PPP2R1A: variants seen among roughly 807,000 people sequenced by gnomAD.
PPP2R1A encodes protein phosphatase 2 scaffold subunit Aalpha.
A neutral mutation model predicts 67.1 loss-of-function variants in PPP2R1A; 15 were observed. The observed-to-expected ratio is 0.22, with a 90% CI of 0.15 to 0.34. PPP2R1A has a LOEUF of 0.34. PPP2R1A is among the 10% of genes least tolerant of loss of function. The probability of loss-of-function intolerance (pLI) is 1.00; values close to 1 mark genes in which losing one functional copy is unlikely to be tolerated. For synonymous variants in PPP2R1A, 337 were observed against 325.0 expected (o/e 1.04, Z -0.40); for missense variants, 369 against 775.0 (o/e 0.48, Z 6.22).
chr19:52,221,191 G>A (rs1178687990), intron 12 of PPP2R1A, 58 bp downstream of exon 12: 1 of 1,604,504 alleles, frequency 6.2e-7, no homozygotes, highest in Non-Finnish European at 8.5e-7. Flanking sequence ...CGTGGGAGAG[G>A]AGGGATGCTA....
intron 9 of PPP2R1A, among the ~76,000 whole-genome samples, chr19:52,218,866 G>A (rs1978747546): frequency 6.6e-6 from 1 of 152,152 alleles, no homozygotes; most frequent in Non-Finnish European, 1.5e-5. Flanking sequence ...TCGTGTGCTG[G>A]CAGCCAGCCT....
intron 2 of PPP2R1A, among the ~76,000 whole-genome samples, chr19:52,204,811 G>T (rs1191164058): frequency 2.0e-5 from 3 of 152,202 alleles, no homozygotes; most frequent in Non-Finnish European, 2.9e-5. Flanking sequence ...ACTGGGCCCT[G>T]TGCTGAGCTC....
chr19:52,211,167 A>T lies in PPP2R1A; in HGVS notation c.271-93A>T. Reference sequence around the variant, plus strand: ...ATGGGTAATAGGGAAGTTTTCTCTGAGGAGATGAGCCCATGATGGGGTGCA... The same window carrying T: ...ATGGGTAATAGGGAAGTTTTCTCTGTGGAGATGAGCCCATGATGGGGTGCA... On this transcript the variant is annotated intron_variant, in intron 3 of 14. Coordinates refer to ENST00000322088, the MANE Select transcript of PPP2R1A (RefSeq NM_014225.6). The surrounding 1 kb of genome is among the most constrained non-coding windows in gnomAD (Gnocchi z 5.3). 1 of 1,223,234 alleles carries T rather than the reference A, an allele frequency of 8.2e-7. No individual in the cohort carries two copies. Among genetic ancestry groups the T allele is most frequent in the South Asian group, 1.4e-5 (1 of 70,892 alleles). The allele number at this position is 1,223,234 out of a possible 1,614,324, so 75.8% of individuals were successfully genotyped here.
chr19:52,215,966 G>A (rs779728947), intron 7 of PPP2R1A, 38 bp from the exon 8 acceptor site: 1 of 1,609,780 alleles, frequency 6.2e-7, no homozygotes, highest in African/African-American at 1.3e-5. Context: ...TAGCACATCA[G>A]GTCTCACTTC....
At position 52,213,049 on chromosome 19, in the gene PPP2R1A, G is replaced by A; in HGVS notation, c.746G>A (p.Arg249His). 1.9e-6 allele frequency: 3 copies of A among 1,610,442 alleles called. No individual in the cohort carries two copies. Among genetic ancestry groups the A allele is most frequent in the Non-Finnish European group, 2.5e-6 (3 of 1,179,252 alleles). Residue 249 changes from arginine (R) to histidine (H), a missense_variant, in exon 6 of 15, where the codon CGC becomes CAC. Arg to His is a conservative substitution (Grantham distance 29). Transcript: ENST00000322088. The surrounding 1 kb of genome is among the most constrained non-coding windows in gnomAD (Gnocchi z 4.2). ...GAGGCCCTGGTGATGCCCACTCTGC[G>A]CCAGGCCGCTGAAGACAAGTCCTGG... ...DLEALVMPTL[R>H]QAAEDKSWRV...
chr19:52,220,043 G>C, intron 10 of PPP2R1A, 146 bp from the exon 11 acceptor site: 7 of 1,200,068 alleles, frequency 5.8e-6, no homozygotes, highest in Middle Eastern at 2.3e-4. Context: ...TTCAATAAGA[G>C]AGAGGAGGGA....
At chr19:52,206,893 C>T (rs2089609164) in intron 3 of PPP2R1A, among the ~76,000 whole-genome samples, 1 of 151,774 alleles carries the variant, frequency 6.6e-6, no homozygotes, top group South Asian at 2.1e-4. Flanking sequence ...TTGTGTATTT[C>T]ACTGTCGCTA....
chr19:52,206,039 C>T lies in PPP2R1A; in HGVS notation c.246C>T (p.Gly82=). The part of the protein sequence containing the change: ...QLGTFTTLVG[G]PEYVHCLLPP... ...GAACCTTCACTACCCTGGTGGGAGG[C>T]CCAGAGTACGTGCACTGCCTGCTGG... The change falls in exon 3 of 15, where the codon GGC becomes GGT. Residue 82 remains glycine, a synonymous_variant. Transcript: ENST00000322088. 6.2e-7 allele frequency: 1 copy of T among 1,614,136 alleles called. No individual in the cohort carries two copies. The highest frequency in any genetic ancestry group is 8.5e-7 in the Non-Finnish European group (1 of 1,179,968).
intron 13 of PPP2R1A, among the ~76,000 whole-genome samples, chr19:52,223,468 GATGTTTT>G (rs1979066706): frequency 6.6e-6 from 1 of 152,170 alleles, no homozygotes; most frequent in Non-Finnish European, 1.5e-5. Context: ...ACTGGAGGAA[GATGTTTT>G]AATATATGTT....
chr19:52,192,872 C>T (rs1403921189), intron 1 of PPP2R1A, among the ~76,000 whole-genome samples: 2 of 152,138 alleles, frequency 1.3e-5, no homozygotes, highest in African/African-American at 2.4e-5. Context: ...CCAGGAACCG[C>T]GAGGTGTTCA....
intron 11 of PPP2R1A, 56 bp from the exon 12 acceptor site, chr19:52,220,923 C>T: frequency 6.3e-7 from 1 of 1,590,038 alleles, no homozygotes; most frequent in Admixed American, 1.7e-5. Context: ...TACATTTTGC[C>T]CACATCAGTT....
intron 3 of PPP2R1A, among the ~76,000 whole-genome samples, chr19:52,207,624 A>G (rs917850471): frequency 6.6e-6 from 1 of 152,196 alleles, no homozygotes. Context: ...TGGAAACCAG[A>G]GAAGAGTTAG....
Position 52,216,117 on chromosome 19 carries a change from T to G in PPP2R1A, c.993+43T>G, listed in dbSNP as rs1978554376. 1 of 1,579,818 alleles carries G rather than the reference T, an allele frequency of 6.3e-7. No individual in the cohort carries two copies. Among genetic ancestry groups the G allele is most frequent in the African/African-American group, 1.3e-5 (1 of 74,196 alleles). ...GGGAGGAACCAAGTGGATCCGAGCC[T>G]GCCAAAAAGAGGGGCTGGAGACAAG... On this transcript the variant is annotated intron_variant, in intron 8 of 14. Coordinates refer to ENST00000322088, the MANE Select transcript of PPP2R1A (RefSeq NM_014225.6). This position sits in a 1 kb window ranked among gnomAD's most constrained non-coding sequence, Gnocchi z 4.3.
Position 52,216,987 on chromosome 19 carries a change from C to T in PPP2R1A, c.1128+324C>T, listed in dbSNP as rs1190360996. Among the ~76,000 whole-genome samples the T allele has an allele frequency of 1.3e-5, 2 of 152,060 alleles. No individual in the cohort carries two copies. The highest frequency in any genetic ancestry group is 6.5e-5 in the Admixed American group (1 of 15,280). ...GGTGGATCACCTGAGGTCAGGAGTTCGAGACCAGCCTGGCCAACATGATGA... is the reference window on the plus strand; with the variant it reads ...GGTGGATCACCTGAGGTCAGGAGTTTGAGACCAGCCTGGCCAACATGATGA... On this transcript the variant is annotated intron_variant, in intron 9 of 14. Coordinates refer to ENST00000322088, the MANE Select transcript of PPP2R1A (RefSeq NM_014225.6). This position sits in a 1 kb window ranked among gnomAD's most constrained non-coding sequence, Gnocchi z 4.3.
chr19:52,201,688 C>A, intron 1 of PPP2R1A: 1 of 485,114 alleles, frequency 2.1e-6, no homozygotes, highest in South Asian at 2.2e-5. Context: ...CTGGAAAGTG[C>A]AACTGAGTAG....
At chr19:52,225,047 C>T (rs1224295995) in intron 13 of PPP2R1A, among the ~76,000 whole-genome samples, 22 of 99,880 alleles carry the variant, frequency 2.2e-4, no homozygotes, top group Admixed American at 1.0e-3. Context: ...GACGGAGTTT[C>T]GCTCTTGTTG....
chr19:52,222,522 A>G (rs551853456), intron 13 of PPP2R1A: 2 of 293,160 alleles, frequency 6.8e-6, no homozygotes, highest in African/African-American at 4.3e-5. Context: ...GTATGTGTAT[A>G]ATTTATAATT....
intron 6 of PPP2R1A, among the ~76,000 whole-genome samples, 165 bp from the exon 7 acceptor site, chr19:52,215,614 C>T (rs896437474): frequency 2.0e-5 from 3 of 152,178 alleles, no homozygotes; most frequent in African/African-American, 7.2e-5. Flanking sequence ...AGGTGAAGAG[C>T]CTTGCCCCGG....
intron 6 of PPP2R1A, among the ~76,000 whole-genome samples, chr19:52,214,140 T>C (rs954707077): frequency 1.1e-4 from 17 of 152,084 alleles, no homozygotes; most frequent in African/African-American, 4.1e-4. Flanking sequence ...AGATAGGAAC[T>C]TTGTTCCAGC....
Sources: allele counts gnomAD v4.1 joint callset (sites outside exome capture counted in the v4.1 genomes callset), GRCh38; gene constraint gnomAD v4.1.1; non-coding constraint Gnocchi (gnomAD v3.1); transcripts MANE v1.5; gene names NCBI Gene and HGNC (gene_info 2026-07-23, HGNC 2026-07-21).